The following GNAQ variants were observed in gnomAD, a reference collection of about 807,000 sequenced individuals.
GNAQ encodes the protein G protein subunit alpha q.
Under a neutral mutation model 43.9 loss-of-function variants are expected in GNAQ, and 8 were observed. The observed-to-expected ratio is 0.18, with a 90% CI of 0.11 to 0.33. GNAQ has a LOEUF of 0.33. Ranked by LOEUF, GNAQ falls within the 10% of genes least tolerant of loss-of-function variation. GNAQ has a pLI of 1.00. For synonymous variants in GNAQ, 155 were observed against 170.7 expected (o/e 0.91, Z 0.71); for missense variants, 158 against 450.8 (o/e 0.35, Z 5.88).
intron 1 of GNAQ, among the ~76,000 whole-genome samples, chr9:77,943,549 T>A (rs1000466640): frequency 6.6e-6 from 1 of 151,800 alleles, no homozygotes; most frequent in African/African-American, 2.4e-5. Context: ...TATAATGATA[T>A]AAATCTCTAG....
rs12351260 is a variant in GNAQ, at chr9:77,826,267, C to T, written c.322-10497G>A. On this transcript the variant is annotated intron_variant, in intron 2 of 6. Transcript: ENST00000286548. The stretch of plus-strand genomic sequence containing the variant: ...ATTACCTGCCTGACCCTGAAATAAT[C>T]TGAGTTTGCACCCTACCCCCAGGCC... Among the ~76,000 whole-genome samples, 837 of 152,268 alleles carry T rather than the reference C, an allele frequency of 5.5e-3. 3 individuals carry two copies. Among genetic ancestry groups the T allele is most frequent in the African/African-American group, 0.018 (753 of 41,544 alleles).
At chr9:77,975,534 C>CA (rs1052180475) in intron 1 of GNAQ, among the ~76,000 whole-genome samples, 4 of 141,002 alleles carry the variant, frequency 2.8e-5, no homozygotes, top group East Asian at 2.2e-4. Flanking sequence ...TATCAGCCCC[C>CA]CCTTTTTTTT....
intron 1 of GNAQ, among the ~76,000 whole-genome samples, chr9:77,956,614 T>C (rs1023298269): frequency 1.3e-5 from 2 of 152,240 alleles, no homozygotes; most frequent in South Asian, 2.1e-4. Flanking sequence ...TTCTAATATA[T>C]AGCCTCTCTT....
chr9:77,845,433 G>C (rs1827569312), intron 2 of GNAQ, among the ~76,000 whole-genome samples: 1 of 151,992 alleles, frequency 6.6e-6, no homozygotes, highest in Non-Finnish European at 1.5e-5. Context: ...AAAAAATGTA[G>C]GTTACATTGG....
chr9:77,720,161 G>C lies in GNAQ; in HGVS notation c.*1162C>G. 1 of 233,168 alleles carries C rather than the reference G, an allele frequency of 4.3e-6. No homozygotes were observed. The highest frequency in any genetic ancestry group is 6.1e-5 in the East Asian group (1 of 16,524). 14.4% of individuals were successfully genotyped at this position (233,168 alleles called of 1,614,324 possible). ...TTAAGGACAAAGAAAAGAATGGACCGTGAGAATCAAATTTCTAGTTACAAC... is the reference window on the plus strand; with the variant it reads ...TTAAGGACAAAGAAAAGAATGGACCCTGAGAATCAAATTTCTAGTTACAAC... On this transcript the variant is annotated 3_prime_UTR_variant, in exon 7 of 7. Coordinates refer to ENST00000286548, the MANE Select transcript of GNAQ (RefSeq NM_002072.5).
At chr9:77,939,738 T>C (rs554103111) in intron 1 of GNAQ, among the ~76,000 whole-genome samples, 2 of 152,222 alleles carry the variant, frequency 1.3e-5, no homozygotes, top group Non-Finnish European at 2.9e-5. Flanking sequence ...CAACAAGAAT[T>C]AGCAAGAATC....
At chr9:77,996,653 G>A (rs558132201) in intron 1 of GNAQ, among the ~76,000 whole-genome samples, 6 of 137,930 alleles carry the variant, frequency 4.4e-5, no homozygotes, top group East Asian at 2.1e-4. Flanking sequence ...ATTCCAGCCC[G>A]GACAACAGAG....
rs575705248 is a variant in GNAQ at position 77,910,449 on chromosome 9, G to C, written c.321+11712C>G. Among the ~76,000 whole-genome samples, 58 of 152,300 alleles carry C rather than the reference G, an allele frequency of 3.8e-4. 1 individual carries two copies. The highest frequency in any genetic ancestry group is 2.6e-3 in the Admixed American group (39 of 15,292). On this transcript the variant is annotated intron_variant, in intron 2 of 6. Transcript: ENST00000286548. Reference sequence around the variant, plus strand: ...AGGAGTTAACCAAGAACAGCCAAATGACCAGCTTCACAACTTCCTACTAAA... The same window carrying C: ...AGGAGTTAACCAAGAACAGCCAAATCACCAGCTTCACAACTTCCTACTAAA...
chr9:77,991,807 G>A (rs1823511463), intron 1 of GNAQ, among the ~76,000 whole-genome samples: 1 of 152,168 alleles, frequency 6.6e-6, no homozygotes, highest in African/African-American at 2.4e-5. Context: ...TTAAAAGTGA[G>A]AACATATGAT....
chr9:78,005,828 C>T (rs1823699510), intron 1 of GNAQ, among the ~76,000 whole-genome samples: 1 of 152,260 alleles, frequency 6.6e-6, no homozygotes, highest in Non-Finnish European at 1.5e-5. Flanking sequence ...AAGACTCGCC[C>T]GTCTCAGCAT....
At position 77,969,443 on chromosome 9, in the gene GNAQ, G is replaced by A. The variant is rs140419056; in HGVS notation, c.137-47098C>T. On this transcript the variant is annotated intron_variant, in intron 1 of 6. Coordinates refer to ENST00000286548, the MANE Select transcript of GNAQ (RefSeq NM_002072.5). Reference sequence around the variant, plus strand: ...CCTCCCTATACAATTAGCCTGATGCGACAGCCAATTTAACATTTCCTGACA... The same window carrying A: ...CCTCCCTATACAATTAGCCTGATGCAACAGCCAATTTAACATTTCCTGACA... Among the ~76,000 whole-genome samples, 1,140 of 152,190 alleles carry A rather than the reference G, an allele frequency of 7.5e-3. 6 individuals carry two copies. Among genetic ancestry groups the A allele is most frequent in the Admixed American group, 0.011 (172 of 15,284 alleles).
At chr9:77,833,294 T>C (rs560790525) in intron 2 of GNAQ, among the ~76,000 whole-genome samples, 1 of 152,194 alleles carries the variant, frequency 6.6e-6, no homozygotes, top group Non-Finnish European at 1.5e-5. Context: ...AAATATCATC[T>C]ACTAGCTAGA....
At chr9:77,875,682 A>T (rs1044776923) in intron 2 of GNAQ, among the ~76,000 whole-genome samples, 2 of 152,216 alleles carry the variant, frequency 1.3e-5, no homozygotes, top group Non-Finnish European at 2.9e-5. Context: ...AGAAGCCACA[A>T]TCCTAAAGGC....
At chr9:77,758,283 C>A (rs1825935187) in intron 5 of GNAQ, among the ~76,000 whole-genome samples, 1 of 152,134 alleles carries the variant, frequency 6.6e-6, no homozygotes, top group African/African-American at 2.4e-5. Context: ...CATGATTTTC[C>A]TCAAGGTTAC....
intron 2 of GNAQ, among the ~76,000 whole-genome samples, chr9:77,853,609 CA>C (rs1191824478): frequency 4.6e-5 from 7 of 151,922 alleles, no homozygotes; most frequent in Non-Finnish European, 1.0e-4. Flanking sequence ...GATTTTGTGT[CA>C]AACTCTGGGA....
chr9:78,026,133 G>C (rs1371428983), intron 1 of GNAQ, among the ~76,000 whole-genome samples: 1 of 152,064 alleles, frequency 6.6e-6, no homozygotes, highest in Non-Finnish European at 1.5e-5. Flanking sequence ...TTAGTCTTCT[G>C]GTTCTCCTTT....
chr9:77,860,913 T>C (rs899983794), intron 2 of GNAQ, among the ~76,000 whole-genome samples: 2 of 152,150 alleles, frequency 1.3e-5, no homozygotes, highest in Admixed American at 6.5e-5. Flanking sequence ...ATATCCACCA[T>C]CCTACTCCCC....
chr9:77,831,713 T>C (rs1326683135), intron 2 of GNAQ, among the ~76,000 whole-genome samples: 1 of 152,228 alleles, frequency 6.6e-6, no homozygotes. Flanking sequence ...GCCCACGTGA[T>C]ATAATGGACA....
At chr9:77,838,794 A>T (rs1827436723) in intron 2 of GNAQ, among the ~76,000 whole-genome samples, 1 of 151,828 alleles carries the variant, frequency 6.6e-6, no homozygotes, top group Non-Finnish European at 1.5e-5. Flanking sequence ...TGTACAATTT[A>T]ATATATATAT....
Sources: gnomAD v4.1 joint callset for allele counts (sites outside exome capture counted in the v4.1 genomes callset) on GRCh38, gnomAD v4.1.1 for gene constraint, MANE v1.5 for transcripts, NCBI Gene and HGNC (gene_info 2026-07-23, HGNC 2026-07-21) for gene names.